DOCK10: variants seen among roughly 807,000 people sequenced by gnomAD.
DOCK10 encodes dedicator of cytokinesis 10.
DOCK10 carries 145 observed loss-of-function variants against 280.1 expected under a neutral mutation model. The observed-to-expected ratio is 0.52, with a 90% CI of 0.45 to 0.59. DOCK10 has a LOEUF of 0.59. Among genes scored for constraint, DOCK10 ranks in the 20% least tolerant of loss-of-function variants. DOCK10 has a pLI of 0.00. For synonymous variants in DOCK10, 915 were observed against 942.2 expected, an observed-to-expected ratio of 0.97 and a Z score of 0.53; for missense variants, 2,368 against 2,651.7, an observed-to-expected ratio of 0.89 and a Z score of 2.35.
chr2:224,845,706 C>A, intron 19 of DOCK10, 64 bp from the exon 20 acceptor site: 2 of 1,440,558 alleles, frequency 1.4e-6, no homozygotes, highest in Non-Finnish European at 1.9e-6. Flanking sequence ...CAGAGCAAGA[C>A]AAAGCATAGC....
intron 1 of DOCK10, 91 bp from the exon 2 acceptor site, chr2:224,931,759 A>T: frequency 7.2e-7 from 1 of 1,395,308 alleles, no homozygotes; most frequent in Non-Finnish European, 9.6e-7. Context: ...GTTATCATTG[A>T]GGCTTTAACA....
chr2:224,895,843 A>ATG (rs1699956190), intron 4 of DOCK10, among the ~76,000 whole-genome samples: 1 of 129,842 alleles, frequency 7.7e-6, no homozygotes, highest in Non-Finnish European at 1.6e-5. Flanking sequence ...GTGTGTGTGT[A>ATG]TATATATATA....
intron 25 of DOCK10, 78 bp downstream of exon 25, chr2:224,837,684 C>T (rs563435620): frequency 3.2e-6 from 4 of 1,262,148 alleles, no homozygotes; most frequent in Non-Finnish European, 3.5e-6. Context: ...AGAAAACTTC[C>T]CACTTACTGC....
chr2:224,809,360 T>G (rs1257709774), intron 31 of DOCK10, among the ~76,000 whole-genome samples: 1 of 152,162 alleles, frequency 6.6e-6, no homozygotes, highest in South Asian at 2.1e-4. Context: ...ATATCAAATT[T>G]AAAAGTTTCT....
At chr2:224,963,856 G>A (rs761276054) in intron 1 of DOCK10, among the ~76,000 whole-genome samples, 4 of 152,108 alleles carry the variant, frequency 2.6e-5, no homozygotes, top group Non-Finnish European at 5.9e-5. Context: ...TCTCATTGAT[G>A]TTCTTCATCT....
chr2:224,832,062 CAA>C (rs1695275730), intron 26 of DOCK10, among the ~76,000 whole-genome samples: 1 of 152,194 alleles, frequency 6.6e-6, no homozygotes, highest in Admixed American at 6.5e-5. Flanking sequence ...ATCTCAGCTA[CAA>C]AAAGTCATAT....
chr2:224,923,981 C>T (rs750523549), intron 2 of DOCK10, among the ~76,000 whole-genome samples: 1 of 152,132 alleles, frequency 6.6e-6, no homozygotes, highest in Admixed American at 6.5e-5. Context: ...ATAAGCAAGC[C>T]ACATTACATC....
intron 21 of DOCK10, 90 bp from the exon 22 acceptor site, chr2:224,844,929 G>T: frequency 4.1e-6 from 4 of 981,890 alleles, no homozygotes; most frequent in South Asian, 1.4e-5. Context: ...GTGCTGTTCT[G>T]ATCCATTAAT....
Position 224,842,022 on chromosome 2 carries a change from A to T in DOCK10, c.2569-126T>A, listed in dbSNP as rs535564440. The T allele has an allele frequency of 7.6e-5, 51 of 673,412 alleles. No homozygotes were observed. The South Asian group carries it at 9.2e-4, about 12-fold the overall frequency. The allele number at this position is 673,412 out of a possible 1,614,324, so 41.7% of individuals were successfully genotyped here. ...GCCTCGAAGTGCAAATGCTTTATTA[A>T]GGAGTCAGAGGAACAAAGCTTTGAT... On this transcript the variant is annotated intron_variant, in intron 22 of 55. Coordinates refer to ENST00000258390, the MANE Select transcript of DOCK10 (RefSeq NM_014689.3).
intron 26 of DOCK10, among the ~76,000 whole-genome samples, 171 bp downstream of exon 26, chr2:224,833,979 A>C (rs1461224801): frequency 1.3e-5 from 2 of 152,136 alleles, no homozygotes; most frequent in African/African-American, 4.8e-5. Context: ...TGTTGTCTCG[A>C]TATAGATCTC....
chr2:224,849,385 C>G (rs982021363), intron 19 of DOCK10, 122 bp downstream of exon 19: 1 of 629,062 alleles, frequency 1.6e-6, no homozygotes, highest in Non-Finnish European at 2.8e-6. Context: ...TAAGTACATA[C>G]CTGCCAAGGC....
chr2:224,972,300 G>A (rs1418460642), intron 1 of DOCK10, among the ~76,000 whole-genome samples: 1 of 152,174 alleles, frequency 6.6e-6, no homozygotes, highest in Non-Finnish European at 1.5e-5. Flanking sequence ...TAAAGTGTAT[G>A]AAAGCAAAGA....
chr2:224,774,281 C>T (rs984771453), intron 52 of DOCK10, among the ~76,000 whole-genome samples: 1 of 152,156 alleles, frequency 6.6e-6, no homozygotes, highest in African/African-American at 2.4e-5. Context: ...TCTCCTGCTC[C>T]GCTCATCTGA....
At chr2:225,004,471 A>G (rs2126289423) in intron 1 of DOCK10, among the ~76,000 whole-genome samples, 1 of 152,308 alleles carries the variant, frequency 6.6e-6, no homozygotes, top group South Asian at 2.1e-4. Flanking sequence ...ATAAATATCT[A>G]TTGTTGTCAT....
At chr2:224,773,066 T>G (rs759323979) in intron 53 of DOCK10, 91 bp downstream of exon 53, 1 of 1,179,564 alleles carries the variant, frequency 8.5e-7, no homozygotes, top group Non-Finnish European at 1.1e-6. Flanking sequence ...GGAAAATGTT[T>G]CTTATATTCT....
At chr2:224,957,294 CG>C (rs5839083) in intron 1 of DOCK10, among the ~76,000 whole-genome samples, 1,799 of 141,832 alleles carry the variant, frequency 0.013, 127 homozygotes, top group African/African-American at 0.035. Context: ...CGCCCCCCCC[CG>C]GCTTTGTTTT....
At chr2:225,028,953 C>G (rs1689999571) in intron 1 of DOCK10, among the ~76,000 whole-genome samples, 1 of 152,100 alleles carries the variant, frequency 6.6e-6, no homozygotes, top group Non-Finnish European at 1.5e-5. Flanking sequence ...AGGTAGTGCT[C>G]TATTGGGTTT....
intron 1 of DOCK10, among the ~76,000 whole-genome samples, chr2:224,973,084 T>G (rs1705189922): frequency 6.6e-6 from 1 of 152,238 alleles, no homozygotes; most frequent in Non-Finnish European, 1.5e-5. Context: ...AAATTAAGTT[T>G]GTAAATTTTT....
intron 27 of DOCK10, among the ~76,000 whole-genome samples, chr2:224,827,887 A>C (rs1694972479): frequency 6.6e-6 from 1 of 152,186 alleles, no homozygotes; most frequent in East Asian, 1.9e-4. Context: ...GGTTACATAG[A>C]CCTGGGGCCT....
Sources: gnomAD v4.1 joint callset for allele counts (sites outside exome capture counted in the v4.1 genomes callset) on GRCh38, gnomAD v4.1.1 for gene constraint, MANE v1.5 for transcripts, NCBI Gene and HGNC (gene_info 2026-07-23, HGNC 2026-07-21) for gene names.